LDB2: variants seen among roughly 807,000 people sequenced by gnomAD.
The protein encoded by LDB2 is LIM domain binding 2.
Under a neutral mutation model 44.3 loss-of-function variants are expected in LDB2, and 12 were observed. The observed-to-expected ratio is 0.27, with a 90% confidence interval of 0.17 to 0.44. The LOEUF (loss-of-function observed/expected upper bound fraction) is 0.44. Ranked by LOEUF, LDB2 falls within the 20% of genes least tolerant of loss-of-function variation. LDB2 has a pLI of 1.00. For synonymous variants in LDB2, 164 were observed against 174.8 expected, an observed-to-expected ratio of 0.94 and a Z score of 0.49; for missense variants, 344 against 473.5, an observed-to-expected ratio of 0.73 and a Z score of 2.54.
intron 5 of LDB2, among the ~76,000 whole-genome samples, chr4:16,584,401 A>C (rs905799636): frequency 6.6e-6 from 1 of 152,222 alleles, no homozygotes; most frequent in African/African-American, 2.4e-5. Context: ...TTCTGCAGTG[A>C]AGCGCATGGA....
At chr4:16,766,649 G>A (rs1041939528) in intron 1 of LDB2, among the ~76,000 whole-genome samples, 1 of 151,646 alleles carries the variant, frequency 6.6e-6, no homozygotes, top group African/African-American at 2.4e-5. Context: ...GGGATTATAG[G>A]CGCCCACCAC....
At chr4:16,764,749 A>C (rs16893959) in intron 1 of LDB2, among the ~76,000 whole-genome samples, 2,469 of 152,296 alleles carry the variant, frequency 0.016, 74 homozygotes, top group African/African-American at 0.056. Flanking sequence ...TCATTGGAGA[A>C]ATGATGCGGA....
At chr4:16,527,149 A>C (rs140160507) in intron 5 of LDB2, among the ~76,000 whole-genome samples, 1 of 152,298 alleles carries the variant, frequency 6.6e-6, no homozygotes, top group East Asian at 1.9e-4. Context: ...AGACAGCGAG[A>C]TATTTGGGGA....
At chr4:16,570,841 G>A (rs560624662) in intron 5 of LDB2, among the ~76,000 whole-genome samples, 8 of 152,224 alleles carry the variant, frequency 5.3e-5, no homozygotes, top group African/African-American at 1.4e-4. Flanking sequence ...CAGCTTTATC[G>A]TGAACACTTT....
intron 1 of LDB2, among the ~76,000 whole-genome samples, chr4:16,800,713 C>G (rs773957031): frequency 6.6e-6 from 1 of 152,198 alleles, no homozygotes; most frequent in African/African-American, 2.4e-5. Context: ...CTCGCTCTGT[C>G]GCCCAGGCTG....
At chr4:16,771,233 T>C (rs775214140) in intron 1 of LDB2, among the ~76,000 whole-genome samples, 2 of 152,070 alleles carry the variant, frequency 1.3e-5, no homozygotes, top group Non-Finnish European at 2.9e-5. Context: ...TCTCTCTTCC[T>C]ACTTGGAAAA....
intron 1 of LDB2, among the ~76,000 whole-genome samples, chr4:16,805,150 T>C (rs1778540722): frequency 6.6e-6 from 1 of 152,074 alleles, no homozygotes; most frequent in Non-Finnish European, 1.5e-5. Context: ...AAGACACTAA[T>C]TCTATCATGA....
intron 5 of LDB2, among the ~76,000 whole-genome samples, chr4:16,570,583 T>C (rs1325840778): frequency 1.4e-5 from 2 of 141,722 alleles, no homozygotes; most frequent in Non-Finnish European, 3.0e-5. Flanking sequence ...ATAATTCAAC[T>C]GATGAAAAAT....
At chr4:16,804,554 G>A (rs780899750) in intron 1 of LDB2, among the ~76,000 whole-genome samples, 4 of 152,106 alleles carry the variant, frequency 2.6e-5, no homozygotes, top group Non-Finnish European at 4.4e-5. Flanking sequence ...AAGAAAGGGC[G>A]ACTCTAAAGC....
rs1292677823 is a variant in LDB2, at chr4:16,766,513, T to A, written c.133-7253A>T. On this transcript the variant is annotated intron_variant, in intron 1 of 7. Transcript: ENST00000304523. ...GTGTGTGTGTGTGTGTGTATATATT[T>A]TTTTTTTTTTGAGACAGAATCTCGC... 3.5e-3 allele frequency among the ~76,000 whole-genome samples: 515 copies of A among 146,984 alleles called. 3 individuals are homozygous for A. The highest frequency in any genetic ancestry group is 6.9e-3 in the South Asian group (32 of 4,660).
chr4:16,567,200 A>G (rs936354981), intron 5 of LDB2, among the ~76,000 whole-genome samples: 5 of 152,210 alleles, frequency 3.3e-5, no homozygotes, highest in African/African-American at 1.2e-4. Flanking sequence ...ATACTTGTAC[A>G]TCATTGTGAA....
intron 2 of LDB2, among the ~76,000 whole-genome samples, chr4:16,732,017 G>C (rs550952934): frequency 1.3e-5 from 2 of 152,286 alleles, no homozygotes; most frequent in African/African-American, 4.8e-5. Context: ...GCCTTGAAAA[G>C]TAGATCCTTT....
intron 2 of LDB2, among the ~76,000 whole-genome samples, chr4:16,630,277 A>C (rs1731543939): frequency 1.3e-5 from 2 of 152,250 alleles, no homozygotes; most frequent in Admixed American, 1.3e-4. Flanking sequence ...AGTGGGGGCC[A>C]ATATTCAACA....
chr4:16,831,970 G>A (rs1580072323), intron 1 of LDB2, among the ~76,000 whole-genome samples: 1 of 152,130 alleles, frequency 6.6e-6, no homozygotes, highest in African/African-American at 2.4e-5. Context: ...GCAGAAATCA[G>A]GAAAGATGCC....
At chr4:16,789,888 C>T (rs564447188) in intron 1 of LDB2, among the ~76,000 whole-genome samples, 14 of 152,286 alleles carry the variant, frequency 9.2e-5, no homozygotes, top group Non-Finnish European at 1.5e-4. Context: ...GCAGAGATAG[C>T]GCCACTGCAC....
At chr4:16,781,858 C>A (rs207695) in intron 1 of LDB2, among the ~76,000 whole-genome samples, 152,280 of 152,280 alleles carry the variant, frequency 1, 76,140 homozygotes, top group Non-Finnish European at 1. Context: ...ACCCCCAAGC[C>A]CACCATGTAA....
At chr4:16,616,650 C>T (rs1727414724) in intron 2 of LDB2, among the ~76,000 whole-genome samples, 1 of 150,626 alleles carries the variant, frequency 6.6e-6, no homozygotes, top group Admixed American at 6.6e-5. Context: ...TGACTTGAGG[C>T]TGCCCTGGTG....
At chr4:16,517,662 C>T (rs964105354) in intron 5 of LDB2, among the ~76,000 whole-genome samples, 10 of 152,156 alleles carry the variant, frequency 6.6e-5, no homozygotes, top group East Asian at 5.8e-4. Flanking sequence ...ATATAAAACC[C>T]ATAAACATGG....
chr4:16,534,823 T>C (rs1220151658), intron 5 of LDB2, among the ~76,000 whole-genome samples: 1 of 152,166 alleles, frequency 6.6e-6, no homozygotes, highest in Non-Finnish European at 1.5e-5. Context: ...GACGCTACAC[T>C]TTTTCCATCA....
Sources: allele counts gnomAD v4.1 joint callset (sites outside exome capture counted in the v4.1 genomes callset), GRCh38; gene constraint gnomAD v4.1.1; transcripts MANE v1.5; gene names NCBI Gene and HGNC (gene_info 2026-07-23, HGNC 2026-07-21).